PCDH15: variants seen among roughly 807,000 people sequenced by gnomAD.
PCDH15 encodes protocadherin-15.
PCDH15 carries 129 observed loss-of-function variants against 178.5 expected under a neutral mutation model. That is an observed-to-expected ratio of 0.72 (90% CI 0.63 to 0.84). The LOEUF is 0.84. Among genes scored for constraint, PCDH15 ranks in the 40% least tolerant of loss-of-function variants. The pLI is 0.00. For missense variants in PCDH15, 2,230 were observed against 2,099.9 expected (o/e 1.06, Z -1.21); for synonymous variants, 800 against 732.0 (o/e 1.09, Z -1.50).
intron 3 of PCDH15, among the ~76,000 whole-genome samples, chr10:54,499,746 G>C (rs61853595): frequency 6.6e-6 from 1 of 151,990 alleles, no homozygotes; most frequent in Non-Finnish European, 1.5e-5. Flanking sequence ...TAACTATCTA[G>C]CATTACACCA....
intron 1 of PCDH15, among the ~76,000 whole-genome samples, chr10:55,305,034 T>A (rs1843384524): frequency 6.6e-6 from 1 of 152,154 alleles, no homozygotes; most frequent in African/African-American, 2.4e-5. Context: ...CCAGAAGAAG[T>A]AACGCTATCT....
chr10:54,357,682 C>T (rs536517056), intron 5 of PCDH15, among the ~76,000 whole-genome samples: 28 of 152,192 alleles, frequency 1.8e-4, no homozygotes, highest in Non-Finnish European at 3.1e-4. Flanking sequence ...TCATATGACA[C>T]CAAAAAAGAG....
rs575195041 is a variant in PCDH15, at chr10:53,961,831, C to G, written c.2930G>C (p.Ser977Thr). 7 of 1,611,116 alleles carry G rather than the reference C, an allele frequency of 4.3e-6. No homozygotes were observed. Among genetic ancestry groups the G allele is most frequent in the Non-Finnish European group, 3.4e-6 (4 of 1,177,866 alleles). Reference sequence around the variant, plus strand: ...AGAATCTTCTTCCACTTCAAAAATACTGGCAGGGTAAGGAAACTGTACATC... The same window carrying G: ...AGAATCTTCTTCCACTTCAAAAATAGTGGCAGGGTAAGGAAACTGTACATC... ...VDDVQFPYPA[S>T]IFEVEEDSGR... The change falls in exon 22 of 38, where the codon AGT becomes ACT. Residue 977 changes from serine to threonine, a missense_variant. Physicochemically the swap from Ser to Thr is moderately conservative, Grantham distance 58. Transcript: ENST00000644397.
chr10:54,780,461 G>A (rs928537966), intron 1 of PCDH15, among the ~76,000 whole-genome samples: 1 of 152,100 alleles, frequency 6.6e-6, no homozygotes, highest in Non-Finnish European at 1.5e-5. Context: ...CGTGAAACCC[G>A]AAATATCTCC....
intron 2 of PCDH15, among the ~76,000 whole-genome samples, chr10:55,561,969 CTT>C: frequency 6.6e-6 from 1 of 151,968 alleles, no homozygotes; most frequent in South Asian, 2.1e-4. Flanking sequence ...AGTCAGGAGA[CTT>C]TTATTAATAG....
intron 1 of PCDH15, among the ~76,000 whole-genome samples, chr10:54,697,674 G>GGGAAGGGAGGAAGGGA: frequency 8.1e-6 from 1 of 123,290 alleles, no homozygotes; most frequent in Non-Finnish European, 1.7e-5. Flanking sequence ...AAGGGGGAAG[G>GGGAAGGGAGGAAGGGA]GGAAGGGAGG....
At chr10:53,959,886 G>C in intron 22 of PCDH15, 42 bp from the exon 23 acceptor site, 1 of 1,442,922 alleles carries the variant, frequency 6.9e-7, no homozygotes, top group Admixed American at 1.7e-5. Context: ...TTATAAGTAA[G>C]AACAGCGTAA....
intron 8 of PCDH15, among the ~76,000 whole-genome samples, chr10:54,307,146 A>G (rs1248138618): frequency 2.0e-5 from 2 of 100,796 alleles, no homozygotes; most frequent in Non-Finnish European, 4.0e-5. Context: ...ATATATATAT[A>G]TATAAAATTG....
At chr10:55,335,693 G>A (rs1844366940) in intron 2 of PCDH15, among the ~76,000 whole-genome samples, 2 of 152,064 alleles carry the variant, frequency 1.3e-5, no homozygotes, top group Non-Finnish European at 2.9e-5. Context: ...TAGTTGTCCA[G>A]CCCACTTACC....
chr10:54,950,567 T>G (rs1456634499), intron 2 of PCDH15, among the ~76,000 whole-genome samples: 2 of 152,032 alleles, frequency 1.3e-5, no homozygotes, highest in South Asian at 4.1e-4. Flanking sequence ...GAACTGTAAG[T>G]CCAATAAACC....
In PCDH15 at chr10:53,940,022, G is replaced by A. The variant is rs530568305; in HGVS notation, c.3232+844C>T. On this transcript the variant is annotated intron_variant, in intron 24 of 37. Coordinates refer to ENST00000644397, the MANE Select transcript of PCDH15 (RefSeq NM_001384140.1). Reference sequence around the variant, plus strand: ...ATATTGACCACTTGCTACACTACACGGGCAGCAATACCTAGTAATAGTTTG... The same window carrying A: ...ATATTGACCACTTGCTACACTACACAGGCAGCAATACCTAGTAATAGTTTG... Among the ~76,000 whole-genome samples, 8 of 152,154 alleles carry A rather than the reference G, an allele frequency of 5.3e-5. No homozygotes were observed. In the East Asian group the frequency reaches 7.7e-4, roughly 15 times the overall value.
At chr10:55,380,455 T>A (rs956439784) in intron 2 of PCDH15, among the ~76,000 whole-genome samples, 11 of 152,198 alleles carry the variant, frequency 7.2e-5, no homozygotes, top group Admixed American at 5.9e-4. Context: ...TGTCACTTTT[T>A]CAAGGATGTT....
intron 9 of PCDH15, among the ~76,000 whole-genome samples, chr10:54,217,542 G>A (rs2052235351): frequency 6.6e-6 from 1 of 152,130 alleles, no homozygotes; most frequent in Non-Finnish European, 1.5e-5. Flanking sequence ...ATGATAAAGA[G>A]ATAGAAATTA....
intron 3 of PCDH15, among the ~76,000 whole-genome samples, chr10:54,876,814 C>A (rs1398745373): frequency 6.6e-6 from 1 of 152,112 alleles, no homozygotes; most frequent in Non-Finnish European, 1.5e-5. Flanking sequence ...CTGTGAACAT[C>A]TTTAAAATTA....
At chr10:55,132,087 G>T (rs1410919313) in intron 2 of PCDH15, among the ~76,000 whole-genome samples, 1 of 152,114 alleles carries the variant, frequency 6.6e-6, no homozygotes, top group African/African-American at 2.4e-5. Flanking sequence ...CTTGGAAGGG[G>T]GAATGAGTTC....
chr10:54,714,671 T>C (rs959170621), intron 1 of PCDH15, among the ~76,000 whole-genome samples: 3 of 152,152 alleles, frequency 2.0e-5, no homozygotes, highest in African/African-American at 7.2e-5. Flanking sequence ...TTAACTGGTC[T>C]TGAGGTTTGG....
chr10:54,921,032 T>C (rs549216060), intron 2 of PCDH15, among the ~76,000 whole-genome samples: 1 of 152,332 alleles, frequency 6.6e-6, no homozygotes, highest in East Asian at 1.9e-4. Flanking sequence ...TCTTCTGTTA[T>C]GATCCTCATT....
At chr10:54,332,077 C>T (rs11004241) in intron 6 of PCDH15, among the ~76,000 whole-genome samples, 16,637 of 149,850 alleles carry the variant, frequency 0.11, 993 homozygotes, top group Middle Eastern at 0.2. Flanking sequence ...AGCTAACATG[C>T]TAGTGATAGC....
intron 6 of PCDH15, among the ~76,000 whole-genome samples, chr10:54,343,905 T>C (rs1942752651): frequency 6.6e-6 from 1 of 152,114 alleles, no homozygotes; most frequent in African/African-American, 2.4e-5. Context: ...ATATATTAAA[T>C]AAAATAGTTA....
Sources: gnomAD v4.1 joint callset for allele counts (sites outside exome capture counted in the v4.1 genomes callset) on GRCh38, gnomAD v4.1.1 for gene constraint, MANE v1.5 for transcripts, NCBI Gene and HGNC (gene_info 2026-07-23, HGNC 2026-07-21) for gene names.